CLEC4D: variants seen among roughly 807,000 people sequenced by gnomAD.
The protein encoded by CLEC4D is C-type lectin domain family 4 member D.
CLEC4D carries 21 observed loss-of-function variants against 21.1 expected under a neutral mutation model. The ratio of observed to expected loss-of-function variants is 1.00; its 90% CI spans 0.71 to 1.43. The LOEUF is 1.43. Ranked by LOEUF, CLEC4D falls within the 40% of genes most tolerant of loss-of-function variation. CLEC4D has a pLI of 0.00. For missense variants in CLEC4D, 289 were observed against 260.7 expected (o/e 1.11, Z -0.75); for synonymous variants, 85 against 83.1 (o/e 1.02, Z -0.12).
At chr12:8,525,600 C>T (rs185638901), downstream of CLEC4D, among the ~76,000 whole-genome samples, 17 of 152,202 alleles carry the variant, frequency 1.1e-4, no homozygotes, top group East Asian at 2.9e-3. Context: ...TAAGATGGGT[C>T]GCCTGAATAC....
rs138087450 is a variant in CLEC4D, at chr12:8,518,219, G to T, written c.177G>T (p.Glu59Asp). 16 of 1,451,224 alleles carry T rather than the reference G, an allele frequency of 1.1e-5. No individual in the cohort carries two copies. The highest frequency in any genetic ancestry group is 1.4e-5 in the African/African-American group (1 of 71,928). The allele number at this position is 1,451,224 out of a possible 1,614,324, so 89.9% of individuals were successfully genotyped here. The change falls in exon 3 of 6, where the codon GAG becomes GAT. Residue 59 changes from glutamate to aspartate, a missense_variant. Coordinates refer to ENST00000299665, the MANE Select transcript of CLEC4D (RefSeq NM_080387.5). ...CKRGTGVHKLEHHAKLKCIKE... is the reference protein window; with the variant it reads ...CKRGTGVHKLDHHAKLKCIKE... ...GAGGCACAGGAGTGCACAAGTTAGA[G>T]CACCATGCAAAGCTCAAATGCATCA... is the stretch of plus-strand genomic sequence containing the variant.
chr12:8,524,427 G>A (rs550017957), downstream of CLEC4D, among the ~76,000 whole-genome samples: 24 of 151,970 alleles, frequency 1.6e-4, no homozygotes, highest in African/African-American at 5.1e-4. Context: ...GTTTAGTCCC[G>A]GTAGGGTGTA....
chr12:8,518,217 G>C lies in CLEC4D; in HGVS notation c.175G>C (p.Glu59Gln). 6.9e-7 allele frequency: 1 copy of C among 1,451,948 alleles called. No individual in the cohort carries two copies. The highest frequency in any genetic ancestry group is 9.7e-7 in the Non-Finnish European group (1 of 1,032,292). The allele number at this position is 1,451,948 out of a possible 1,614,324, so 89.9% of individuals were successfully genotyped here. A position where few individuals can be genotyped will look rare whatever the true frequency, so the allele number is the denominator to read the frequency against. Residue 59 changes from glutamate (E) to glutamine (Q), a missense_variant, in exon 3 of 6, where the codon GAG (glutamate) becomes CAG (glutamine). Physicochemically the swap from Glu to Gln is conservative, Grantham distance 29 (BLOSUM62 2). Coordinates refer to ENST00000299665, the MANE Select transcript of CLEC4D (RefSeq NM_080387.5). ...CKRGTGVHKL[E>Q]HHAKLKCIKE... ...GAGAGGCACAGGAGTGCACAAGTTA[G>C]AGCACCATGCAAAGCTCAAATGCAT...
chr12:8,527,997 T>G, the CLEC4D span, among the ~76,000 whole-genome samples: 3 of 152,136 alleles, frequency 2.0e-5, no homozygotes, highest in African/African-American at 7.2e-5. Context: ...CTCTTTCTTC[T>G]CTCCGTGGGT....
At chr12:8,524,342 T>G (rs1465285610), downstream of CLEC4D, among the ~76,000 whole-genome samples, 2 of 151,418 alleles carry the variant, frequency 1.3e-5, no homozygotes, top group South Asian at 2.1e-4. Flanking sequence ...TTTTTTTTTT[T>G]GTTTGGTAGT....
At chr12:8,520,154 T>G in intron 4 of CLEC4D, 72 bp from the exon 5 acceptor site, 1 of 1,567,796 alleles carries the variant, frequency 6.4e-7, no homozygotes, top group Non-Finnish European at 8.7e-7. Context: ...AGTTGACATA[T>G]TTCCTCTTTT....
At chr12:8,515,729 C>CT (rs1331085360) in intron 2 of CLEC4D, among the ~76,000 whole-genome samples, 5 of 151,962 alleles carry the variant, frequency 3.3e-5, no homozygotes, top group Non-Finnish European at 7.4e-5. Flanking sequence ...CTCTTTCTTT[C>CT]TTTTTTCCTT....
At position 8,521,431 on chromosome 12, in the gene CLEC4D, CATGTGTGT is replaced by C. The variant is rs1940458396; in HGVS notation, c.*169_*176del. The C allele has an allele frequency of 5.0e-6, 7 of 1,387,308 alleles. No individual in the cohort carries two copies. In the East Asian group the frequency reaches 1.8e-4, roughly 36 times the overall value. 85.9% of individuals were successfully genotyped at this position (1,387,308 alleles called of 1,614,324 possible). A position where few individuals can be genotyped will look rare whatever the true frequency, so the allele number is the denominator to read the frequency against. On this transcript the variant is annotated 3_prime_UTR_variant, in exon 6 of 6. Coordinates refer to ENST00000299665, the MANE Select transcript of CLEC4D (RefSeq NM_080387.5). ...ATTTTGTTTGATTCATTCGAGACAACATGTGTGTATGTGTGTGTGTGTGTGTGTAGATA... is the reference window on the plus strand; with the variant it reads ...ATTTTGTTTGATTCATTCGAGACAACATGTGTGTGTGTGTGTGTGTAGATA...
chr12:8,518,093 A>C (rs753415559), intron 2 of CLEC4D, 71 bp from the exon 3 acceptor site: 37 of 650,590 alleles, frequency 5.7e-5, no homozygotes, highest in African/African-American at 9.1e-5. Flanking sequence ...AAATTTAGGA[A>C]GGTCAGCCCC....
downstream of CLEC4D, among the ~76,000 whole-genome samples, chr12:8,525,521 G>A (rs780688288): frequency 4.0e-5 from 6 of 151,888 alleles, no homozygotes; most frequent in East Asian, 1.9e-4. Context: ...CTACTTTTTC[G>A]TTTCTTTCCA....
In CLEC4D at chr12:8,513,758, A is replaced by G; in HGVS notation, c.26A>G (p.Lys9Arg). ...ATGGGGCTAGAAAAACCTCAAAGTAAACGTGAGTACTTTCTCTCCTTTCCA... is the reference window on the plus strand; with the variant it reads ...ATGGGGCTAGAAAAACCTCAAAGTAGACGTGAGTACTTTCTCTCCTTTCCA... MGLEKPQS[K>R]LEGGMHPQLI... The change falls in exon 1 of 6, where the codon AAA (lysine) becomes AGA (arginine). Residue 9 changes from lysine to arginine, a missense_variant and splice_region_variant. Coordinates refer to ENST00000299665, the MANE Select transcript of CLEC4D (RefSeq NM_080387.5). 3 of 1,093,576 alleles carry G rather than the reference A, an allele frequency of 2.7e-6. No homozygotes were observed. Among genetic ancestry groups the G allele is most frequent in the Non-Finnish European group, 4.2e-6 (3 of 707,078 alleles). The allele number at this position is 1,093,576 out of a possible 1,614,324, so 67.7% of individuals were successfully genotyped here.
At chr12:8,530,488 GA>G in the CLEC4D span, among the ~76,000 whole-genome samples, 69 of 146,714 alleles carry the variant, frequency 4.7e-4, no homozygotes, top group African/African-American at 1.7e-3. Flanking sequence ...CCGAAGAAGT[GA>G]AATTAATTCT....
intron 1 of CLEC4D, 144 bp from the exon 2 acceptor site, chr12:8,515,092 G>T (rs1373844118): frequency 4.1e-6 from 2 of 483,886 alleles, no homozygotes; most frequent in Non-Finnish European, 7.4e-6. Context: ...CTCTAAAATT[G>T]ATTTATTTGG....
chr12:8,531,288 G>C, the CLEC4D span, among the ~76,000 whole-genome samples: 1 of 152,082 alleles, frequency 6.6e-6, no homozygotes, highest in African/African-American at 2.4e-5. Flanking sequence ...ATGCACACAC[G>C]TATAAAGACC....
intron 3 of CLEC4D, 137 bp from the exon 4 acceptor site, chr12:8,518,872 G>C (rs1272899869): frequency 2.3e-5 from 32 of 1,389,250 alleles, no homozygotes; most frequent in Non-Finnish European, 3.0e-5. Context: ...TCTTTTGGTA[G>C]GAGAACAGAA....
At chr12:8,515,470 C>G (rs1195021416) in intron 2 of CLEC4D, 142 bp downstream of exon 2, 4 of 539,340 alleles carry the variant, frequency 7.4e-6, no homozygotes, top group Middle Eastern at 9.7e-4. Context: ...ACTGAATATT[C>G]AGAGCTACAT....
At chr12:8,524,395 T>G (rs985417739), downstream of CLEC4D, among the ~76,000 whole-genome samples, 1 of 152,136 alleles carries the variant, frequency 6.6e-6, no homozygotes, top group African/African-American at 2.4e-5. Context: ...AATTGTCTAT[T>G]CAGGGATTCA....
In CLEC4D at chr12:8,520,261, C is replaced by CTATT; in HGVS notation, c.422_425dup (p.Phe142LeufsTer6). On this transcript the variant is annotated frameshift_variant, in exon 5 of 6. Coordinates refer to ENST00000299665, the MANE Select transcript of CLEC4D (RefSeq NM_080387.5). LOFTEE classifies it high-confidence loss of function. ...TTCAGTTTCTGGATAGACGGCTTTCCTATTTCCTTGGACTTAGAGATGAGA... is the reference window on the plus strand; with the variant it reads ...TTCAGTTTCTGGATAGACGGCTTTCCTATTTATTTCCTTGGACTTAGAGATGAGA... 6.2e-7 allele frequency: 1 copy of CTATT among 1,613,908 alleles called. No individual in the cohort carries two copies. Among genetic ancestry groups the CTATT allele is most frequent in the Non-Finnish European group, 8.5e-7 (1 of 1,179,842 alleles).
chr12:8,519,382 T>A (rs1399625073), intron 4 of CLEC4D, among the ~76,000 whole-genome samples: 9 of 152,252 alleles, frequency 5.9e-5, no homozygotes, highest in Admixed American at 5.9e-4. Flanking sequence ...CTAACTACCT[T>A]CCTCATTCTA....
Sources: allele counts gnomAD v4.1 joint callset (sites outside exome capture counted in the v4.1 genomes callset), GRCh38; gene constraint gnomAD v4.1.1; transcripts MANE v1.5; gene names NCBI Gene and HGNC (gene_info 2026-07-23, HGNC 2026-07-21).